The following FBXW4 variants were observed in gnomAD, a reference collection of about 807,000 sequenced individuals.
FBXW4 encodes F-box and WD repeat domain containing 4.
Under a neutral mutation model 61.8 loss-of-function variants are expected in FBXW4, and 40 were observed. The observed-to-expected ratio is 0.65, with a 90% confidence interval of 0.50 to 0.84. The LOEUF (loss-of-function observed/expected upper bound fraction) is 0.84, where lower values mean the gene tolerates loss of function less well. Among genes scored for constraint, FBXW4 ranks in the 40% least tolerant of loss-of-function variants. The pLI, the probability that FBXW4 is intolerant of heterozygous loss-of-function variation, is 0.00. For synonymous variants in FBXW4, 311 were observed against 313.8 expected, an observed-to-expected ratio of 0.99 and a Z score of 0.10; for missense variants, 672 against 753.8, an observed-to-expected ratio of 0.89 and a Z score of 1.27.
chr10:101,652,972 C>G (rs2064156786), intron 5 of FBXW4, among the ~76,000 whole-genome samples: 1 of 152,170 alleles, frequency 6.6e-6, no homozygotes, highest in Admixed American at 6.5e-5. Flanking sequence ...CAACTGTTGT[C>G]CCTATGCTGA....
chr10:101,646,453 C>T (rs772874688), intron 5 of FBXW4, among the ~76,000 whole-genome samples: 4 of 152,208 alleles, frequency 2.6e-5, no homozygotes, highest in Admixed American at 6.5e-5. Context: ...GGCAGGAGGC[C>T]GAGAGGCACA....
chr10:101,618,044 G>A (rs914119396), intron 6 of FBXW4, among the ~76,000 whole-genome samples: 2 of 152,254 alleles, frequency 1.3e-5, no homozygotes, highest in Admixed American at 1.3e-4. Context: ...CCACACCTGG[G>A]CAGGATGGGC....
At chr10:101,686,252 C>T (rs1310723880) in intron 1 of FBXW4, among the ~76,000 whole-genome samples, 1 of 152,130 alleles carries the variant, frequency 6.6e-6, no homozygotes, top group African/African-American at 2.4e-5. Flanking sequence ...ATGGTCAAAA[C>T]ATTTTGCATG....
chr10:101,636,731 G>A (rs1457267514), intron 5 of FBXW4, among the ~76,000 whole-genome samples: 2 of 151,962 alleles, frequency 1.3e-5, no homozygotes, highest in African/African-American at 4.8e-5. Context: ...GGGATTACAG[G>A]TGCCTGCCAC....
intron 5 of FBXW4, among the ~76,000 whole-genome samples, chr10:101,665,213 A>G (rs2064286301): frequency 6.6e-6 from 1 of 152,206 alleles, no homozygotes; most frequent in Non-Finnish European, 1.5e-5. Flanking sequence ...GGCAGAGATA[A>G]CACCGGCATA....
intron 1 of FBXW4, among the ~76,000 whole-genome samples, chr10:101,688,414 C>G (rs1359890154): frequency 1.3e-5 from 2 of 152,160 alleles, no homozygotes; most frequent in Admixed American, 1.3e-4. Flanking sequence ...GGCACAGGGG[C>G]CCATTGGGTG....
chr10:101,667,736 C>A, intron 5 of FBXW4, 150 bp downstream of exon 5: 1 of 689,310 alleles, frequency 1.5e-6, no homozygotes, highest in Non-Finnish European at 2.6e-6. Context: ...GCCTAAATAA[C>A]TCAAATCTCT....
chr10:101,675,021 C>T (rs939652610), intron 2 of FBXW4, among the ~76,000 whole-genome samples: 1 of 152,208 alleles, frequency 6.6e-6, no homozygotes, highest in Non-Finnish European at 1.5e-5. Context: ...TCTGAGTAAA[C>T]TGGGCTGTGT....
chr10:101,676,864 G>C (rs1321610034), intron 1 of FBXW4: 1 of 152,248 alleles, frequency 6.6e-6, no homozygotes, highest in Non-Finnish European at 1.5e-5. Context: ...AGACTAAGAA[G>C]GTAGACATAG....
Position 101,656,104 on chromosome 10 carries a change from T to C in FBXW4, c.1235+11782A>G, listed in dbSNP as rs546558985. 2.6e-5 allele frequency among the ~76,000 whole-genome samples: 4 copies of C among 152,300 alleles called. 1 individual carries two copies. The South Asian group carries it at 6.2e-4, about 24-fold the overall frequency. On this transcript the variant is annotated intron_variant, in intron 5 of 8. Transcript: ENST00000331272. The stretch of plus-strand genomic sequence containing the variant: ...AAGCGAAGAAGCCCCCACAGTTCCA[T>C]AGTATTCTCTACTACTTGGGTATAT...
intron 5 of FBXW4, among the ~76,000 whole-genome samples, chr10:101,636,770 G>A (rs2064005198): frequency 1.3e-5 from 2 of 151,876 alleles, no homozygotes; most frequent in Non-Finnish European, 2.9e-5. Context: ...TGTGTTTTTA[G>A]TAGAGACGGG....
intron 5 of FBXW4, among the ~76,000 whole-genome samples, chr10:101,630,280 T>C (rs561357246): frequency 1.3e-5 from 2 of 152,288 alleles, no homozygotes; most frequent in South Asian, 2.1e-4. Context: ...GTGCTCCTAA[T>C]TGGAGGAAAA....
intron 5 of FBXW4, among the ~76,000 whole-genome samples, chr10:101,661,666 C>T (rs936297175): frequency 1.3e-5 from 2 of 152,190 alleles, no homozygotes; most frequent in African/African-American, 4.8e-5. Flanking sequence ...CTGCAACTCT[C>T]TCATCCAGGG....
chr10:101,647,020 C>T (rs17114151), intron 5 of FBXW4, among the ~76,000 whole-genome samples: 4,860 of 152,192 alleles, frequency 0.032, 99 homozygotes, highest in East Asian at 0.11. Flanking sequence ...CTTCAGTCAG[C>T]GATACCACAA....
At chr10:101,619,180 T>C (rs143368749) in intron 6 of FBXW4, among the ~76,000 whole-genome samples, 2 of 152,300 alleles carry the variant, frequency 1.3e-5, no homozygotes, top group East Asian at 3.9e-4. Flanking sequence ...CAGTGGTTGG[T>C]CAATCAAGAT....
intron 5 of FBXW4, among the ~76,000 whole-genome samples, chr10:101,648,246 G>T (rs2064117249): frequency 6.6e-6 from 1 of 152,194 alleles, no homozygotes; most frequent in African/African-American, 2.4e-5. Flanking sequence ...CAAAGGACAG[G>T]TTGGGAGGAA....
At chr10:101,671,683 T>C (rs1304262804) in intron 4 of FBXW4, among the ~76,000 whole-genome samples, 2 of 152,216 alleles carry the variant, frequency 1.3e-5, no homozygotes, top group African/African-American at 2.4e-5. Flanking sequence ...AAAAGGTTTC[T>C]ATGCAAATTG....
At chr10:101,626,400 CA>C (rs1231399903) in intron 5 of FBXW4, 1 of 152,662 alleles carries the variant, frequency 6.6e-6, no homozygotes, top group East Asian at 1.9e-4. Context: ...GGGCTGGAAA[CA>C]TAATAGCCAC....
chr10:101,656,688 G>A (rs1347565075), intron 5 of FBXW4, among the ~76,000 whole-genome samples: 1 of 152,184 alleles, frequency 6.6e-6, no homozygotes, highest in Non-Finnish European at 1.5e-5. Flanking sequence ...GCTTTGCTGT[G>A]GGAAGGAGCG....
Sources: gnomAD v4.1 joint callset for allele counts (sites outside exome capture counted in the v4.1 genomes callset) on GRCh38, gnomAD v4.1.1 for gene constraint, MANE v1.5 for transcripts, NCBI Gene and HGNC (gene_info 2026-07-23, HGNC 2026-07-21) for gene names.